The following GSTCD variants were observed in gnomAD, a reference collection of about 807,000 sequenced individuals.
The protein encoded by GSTCD is glutathione S-transferase C-terminal domain-containing protein.
A neutral mutation model predicts 68.3 loss-of-function variants in GSTCD; 44 were observed. That is an observed-to-expected ratio of 0.64 (90% CI 0.51 to 0.83). The LOEUF is 0.83. Ranked by LOEUF, GSTCD falls within the 40% of genes least tolerant of loss-of-function variation. The pLI is 0.00. For missense variants in GSTCD, 739 were observed against 735.9 expected (o/e 1.00, Z -0.05); for synonymous variants, 273 against 255.2 (o/e 1.07, Z -0.67).
intron 5 of GSTCD, among the ~76,000 whole-genome samples, chr4:105,771,962 A>T (rs986857683): frequency 2.0e-5 from 3 of 152,180 alleles, no homozygotes; most frequent in African/African-American, 7.2e-5. Flanking sequence ...TACTTTGGGC[A>T]GTATGGCCAT....
chr4:105,735,202 C>T (rs2149216426), intron 5 of GSTCD, among the ~76,000 whole-genome samples: 1 of 152,290 alleles, frequency 6.6e-6, no homozygotes, highest in South Asian at 2.1e-4. Flanking sequence ...CTACTCTCTT[C>T]AAAGCTGTAC....
At chr4:105,797,841 C>T (rs1735962396) in intron 5 of GSTCD, among the ~76,000 whole-genome samples, 1 of 142,256 alleles carries the variant, frequency 7.0e-6, no homozygotes, top group South Asian at 2.2e-4. Flanking sequence ...ATGGTGCGAT[C>T]TTGGCTCACT....
chr4:105,810,049 T>C (rs935382176), intron 5 of GSTCD, among the ~76,000 whole-genome samples: 1 of 152,088 alleles, frequency 6.6e-6, no homozygotes, highest in Admixed American at 6.6e-5. Flanking sequence ...CATTTATGAA[T>C]TTTAAAGGCC....
chr4:105,831,761 G>C (rs1356621882), intron 8 of GSTCD, among the ~76,000 whole-genome samples: 11 of 151,810 alleles, frequency 7.2e-5, no homozygotes. Context: ...TTGGTTTTCT[G>C]CCAGTCTCTA....
chr4:105,795,890 A>G lies in GSTCD; in HGVS notation c.1241-27064A>G, dbSNP rs182223557. The stretch of plus-strand genomic sequence containing the variant: ...CACTATTTGTTTTACATATTTTGAT[A>G]CTTTGCTGTTCTGTCCATAAAAATT... On this transcript the variant is annotated intron_variant, in intron 5 of 11. Transcript: ENST00000515279. Among the ~76,000 whole-genome samples, 4 of 151,182 alleles carry G rather than the reference A, an allele frequency of 2.6e-5. No homozygotes were observed. The East Asian group carries it at 5.8e-4, about 22-fold the overall frequency.
intron 1 of GSTCD, chr4:105,712,535 T>G (rs1241642452): frequency 8.5e-5 from 13 of 152,250 alleles, no homozygotes; most frequent in Non-Finnish European, 2.9e-5. Flanking sequence ...TTGGATGGTT[T>G]TGAGCACGAG....
intron 5 of GSTCD, among the ~76,000 whole-genome samples, chr4:105,741,489 A>G (rs1733628637): frequency 6.6e-6 from 1 of 152,240 alleles, no homozygotes. Flanking sequence ...CTAAATTTAA[A>G]AATCCAATTT....
intron 5 of GSTCD, among the ~76,000 whole-genome samples, chr4:105,739,801 C>T (rs72969275): frequency 0.028 from 4,247 of 152,170 alleles, 177 homozygotes; most frequent in African/African-American, 0.088. Flanking sequence ...CATCATTTTC[C>T]TTAGAGGCAG....
intron 5 of GSTCD, among the ~76,000 whole-genome samples, chr4:105,793,774 A>G (rs767282089): frequency 6.6e-6 from 1 of 152,036 alleles, no homozygotes. Context: ...TAATGAATTT[A>G]TGGTTACTTT....
At chr4:105,739,364 C>G (rs1733559776) in intron 5 of GSTCD, among the ~76,000 whole-genome samples, 1 of 152,100 alleles carries the variant, frequency 6.6e-6, no homozygotes, top group Admixed American at 6.5e-5. Flanking sequence ...CATGGTAGTG[C>G]TAGCCTCATA....
rs537076403 is a variant in GSTCD, at chr4:105,750,987, T to C, written c.1240+21488T>C. On this transcript the variant is annotated intron_variant, in intron 5 of 11. Coordinates refer to ENST00000515279, the MANE Select transcript of GSTCD (RefSeq NM_001370181.1). ...ATTAATATTTGACAGGGATCAAGAA[T>C]GGCAGTAGCAAAGTGTCCCTTGTGG... 9.3e-4 allele frequency among the ~76,000 whole-genome samples: 141 copies of C among 152,310 alleles called. 1 individual carries two copies. In the South Asian group the frequency reaches 9.7e-3, roughly 11 times the overall value.
chr4:105,814,064 G>T (rs1392693515), intron 5 of GSTCD, among the ~76,000 whole-genome samples: 1 of 152,102 alleles, frequency 6.6e-6, no homozygotes. Flanking sequence ...GAAAAAGAGG[G>T]AGATTCAAAA....
chr4:105,814,278 T>A (rs1380081951), intron 5 of GSTCD, among the ~76,000 whole-genome samples: 1 of 152,182 alleles, frequency 6.6e-6, no homozygotes, highest in African/African-American at 2.4e-5. Flanking sequence ...GCCCTTTGTA[T>A]CTTTCCCTTT....
At chr4:105,772,765 T>C (rs1456421776) in intron 5 of GSTCD, among the ~76,000 whole-genome samples, 1 of 152,194 alleles carries the variant, frequency 6.6e-6, no homozygotes, top group African/African-American at 2.4e-5. Context: ...TTGCCAGTAT[T>C]TTATTGAGGA....
In GSTCD at chr4:105,794,823, T is replaced by TTATC. The variant is rs1362730521; in HGVS notation, c.1241-28119_1241-28116dup. ...TTTTTACTTTTTATTATTTCTGCTT[T>TTATC]TATCTATCTATCTATTTATCTATCT... is the stretch of plus-strand genomic sequence containing the variant. On this transcript the variant is annotated intron_variant, in intron 5 of 11. Transcript: ENST00000515279. Among the ~76,000 whole-genome samples, 631 of 139,982 alleles carry TTATC rather than the reference T, an allele frequency of 4.5e-3. 3 individuals are homozygous for TTATC. The highest frequency in any genetic ancestry group is 0.028 in the Middle Eastern group (8 of 284). 91.8% of individuals were successfully genotyped at this position (139,982 alleles called of 152,430 possible).
At chr4:105,764,633 C>G (rs1734537222) in intron 5 of GSTCD, among the ~76,000 whole-genome samples, 1 of 152,202 alleles carries the variant, frequency 6.6e-6, no homozygotes, top group Admixed American at 6.5e-5. Flanking sequence ...GTCTCTTTCT[C>G]TTATAAGGAC....
At chr4:105,718,765 C>T (rs1732764690) in intron 2 of GSTCD, among the ~76,000 whole-genome samples, 1 of 151,986 alleles carries the variant, frequency 6.6e-6, no homozygotes, top group African/African-American at 2.4e-5. Context: ...AATAGCAATG[C>T]TTTGGAAGCC....
intron 5 of GSTCD, among the ~76,000 whole-genome samples, chr4:105,788,100 G>A (rs1267897199): frequency 6.6e-6 from 1 of 151,952 alleles, no homozygotes; most frequent in African/African-American, 2.4e-5. Context: ...TGATGATAGT[G>A]TATATGATGT....
At position 105,790,122 on chromosome 4, in the gene GSTCD, C is replaced by G. The variant is rs1735607797; in HGVS notation, c.1241-32832C>G. ...TGGAAATCCGTGCCAAGTATAGAAG[C>G]AAAGTTGTAAAGGAGAACTAGGAAT... On this transcript the variant is annotated intron_variant, in intron 5 of 11. Transcript: ENST00000515279. Among the ~76,000 whole-genome samples the G allele has an allele frequency of 2.6e-5, 4 of 152,074 alleles. No individual in the cohort carries two copies. The South Asian group carries it at 8.3e-4, about 32-fold the overall frequency.
Sources: gnomAD v4.1 joint callset for allele counts (sites outside exome capture counted in the v4.1 genomes callset) on GRCh38, gnomAD v4.1.1 for gene constraint, MANE v1.5 for transcripts, NCBI Gene and HGNC (gene_info 2026-07-23, HGNC 2026-07-21) for gene names.